SBF2: variants seen among roughly 807,000 people sequenced by gnomAD.
SBF2 encodes myotubularin-related protein 13.
Under a neutral mutation model 225.2 loss-of-function variants are expected in SBF2, and 112 were observed. The ratio of observed to expected loss-of-function variants is 0.50; its 90% CI spans 0.43 to 0.58. The LOEUF (loss-of-function observed/expected upper bound fraction) is 0.58, where lower values mean the gene tolerates loss of function less well. Ranked by LOEUF, SBF2 falls within the 20% of genes least tolerant of loss-of-function variation. The pLI, the probability that SBF2 is intolerant of heterozygous loss-of-function variation, is 0.00. For missense variants in SBF2, 1,996 were observed against 2,206.2 expected, an observed-to-expected ratio of 0.90 and a Z score of 1.91; for synonymous variants, 763 against 773.3, an observed-to-expected ratio of 0.99 and a Z score of 0.22.
In SBF2 at chr11:9,992,330, T is replaced by C. The variant is rs1947475957; in HGVS notation, c.1296+85A>G. 16 of 1,079,160 alleles carry C rather than the reference T, an allele frequency of 1.5e-5. No individual in the cohort carries two copies. In the Middle Eastern group the frequency reaches 1.1e-3, roughly 74 times the overall value. The allele number at this position is 1,079,160 out of a possible 1,614,324, so 66.8% of individuals were successfully genotyped here. A position where few individuals can be genotyped will look rare whatever the true frequency, so the allele number is the denominator to read the frequency against. The stretch of plus-strand genomic sequence containing the variant: ...AATACCTAATTTATATTTGACTATA[T>C]AAATATGGAAAATGTTACTTTTTAC... On this transcript the variant is annotated intron_variant, in intron 12 of 39. Coordinates refer to ENST00000256190, the MANE Select transcript of SBF2 (RefSeq NM_030962.4).
chr11:9,943,863 G>C (rs1865421675), intron 16 of SBF2, among the ~76,000 whole-genome samples: 1 of 152,162 alleles, frequency 6.6e-6, no homozygotes, highest in South Asian at 2.1e-4. Flanking sequence ...TCTTGACTCT[G>C]ATTTCATTCC....
rs959873976 is a variant in SBF2, at chr11:10,274,063, G to A, written c.55+19952C>T. Among the ~76,000 whole-genome samples the A allele has an allele frequency of 7.2e-5, 11 of 152,216 alleles. 1 individual carries two copies. Among genetic ancestry groups the A allele is most frequent in the Admixed American group, 4.6e-4 (7 of 15,280 alleles). ...CTTTTTATTTTTAACCTTTAGAAAA[G>A]TTTTATTTCACTGCTGCAGCTTTGC... On this transcript the variant is annotated intron_variant, in intron 1 of 39. Transcript: ENST00000256190.
chr11:9,787,875 T>C, intron 35 of SBF2, 137 bp from the exon 36 acceptor site: 1 of 726,376 alleles, frequency 1.4e-6, no homozygotes. Context: ...GACATGGGCC[T>C]GTGAGGTCTC....
rs1412388000 is a variant in SBF2, at chr11:9,900,910, A to AT, written c.1861-4900dup. ...CATCACCGCACCCAGCTAATTTTTA[A>AT]TTTTTTTTTTGTAGAGGCAGGGTTT... On this transcript the variant is annotated intron_variant, in intron 16 of 39. Coordinates refer to ENST00000256190, the MANE Select transcript of SBF2 (RefSeq NM_030962.4). 7.9e-4 allele frequency among the ~76,000 whole-genome samples: 118 copies of AT among 149,320 alleles called. No homozygotes were observed. In the Middle Eastern group the frequency reaches 0.014, roughly 17 times the overall value.
chr11:10,176,581 G>A (rs1400145080), intron 2 of SBF2, among the ~76,000 whole-genome samples: 1 of 152,048 alleles, frequency 6.6e-6, no homozygotes, highest in Non-Finnish European at 1.5e-5. Flanking sequence ...AAATAAACTA[G>A]AAAATCTAGA....
intron 2 of SBF2, among the ~76,000 whole-genome samples, chr11:10,088,253 G>A (rs1020568532): frequency 2.0e-5 from 3 of 151,984 alleles, no homozygotes; most frequent in African/African-American, 7.2e-5. Flanking sequence ...TCAAACTCCT[G>A]GACTCAAGCA....
chr11:9,956,408 T>C (rs1450991687), intron 16 of SBF2, among the ~76,000 whole-genome samples: 2 of 152,336 alleles, frequency 1.3e-5, no homozygotes, highest in East Asian at 3.9e-4. Flanking sequence ...AGAGTTTATA[T>C]ACTCTATTTG....
chr11:10,273,898 C>T (rs757711028), intron 1 of SBF2, among the ~76,000 whole-genome samples: 1 of 152,182 alleles, frequency 6.6e-6, no homozygotes, highest in Non-Finnish European at 1.5e-5. Context: ...TGCTGAAAGG[C>T]AAGATGACCT....
chr11:10,004,426 G>A (rs1948098975), intron 6 of SBF2, among the ~76,000 whole-genome samples: 1 of 151,414 alleles, frequency 6.6e-6, no homozygotes, highest in Non-Finnish European at 1.5e-5. Context: ...ATTGAGTGAG[G>A]GTAGTAAGGT....
intron 1 of SBF2, among the ~76,000 whole-genome samples, chr11:10,253,172 T>C (rs1380157742): frequency 1.4e-5 from 2 of 138,140 alleles, no homozygotes; most frequent in African/African-American, 2.7e-5. Context: ...AATTTGCCTC[T>C]AGAGAAAAGA....
At chr11:9,938,071 C>T (rs568355080) in intron 16 of SBF2, among the ~76,000 whole-genome samples, 33 of 152,100 alleles carry the variant, frequency 2.2e-4, no homozygotes, top group African/African-American at 8.0e-4. Flanking sequence ...GCGGGCGGAT[C>T]ACGCGGTCAG....
intron 3 of SBF2, among the ~76,000 whole-genome samples, chr11:10,032,264 T>A (rs777201481): frequency 2.6e-5 from 4 of 152,220 alleles, no homozygotes; most frequent in Non-Finnish European, 5.9e-5. Context: ...CCCCTCTTTT[T>A]AATAACCTAT....
chr11:10,042,744 T>A, intron 3 of SBF2, 100 bp downstream of exon 3: 1 of 1,271,814 alleles, frequency 7.9e-7, no homozygotes. Flanking sequence ...TGCTAGCCCA[T>A]AAAACTCAAA....
intron 38 of SBF2, among the ~76,000 whole-genome samples, chr11:9,781,846 G>T (rs1467205863): frequency 1.3e-5 from 2 of 152,180 alleles, no homozygotes; most frequent in African/African-American, 4.8e-5. Flanking sequence ...AAAGACTTAT[G>T]TACTGTTTGA....
intron 2 of SBF2, among the ~76,000 whole-genome samples, chr11:10,058,916 C>T (rs988165765): frequency 4.6e-5 from 7 of 152,106 alleles, no homozygotes; most frequent in Non-Finnish European, 7.4e-5. Flanking sequence ...ACTAAGCTTC[C>T]TATATGATGG....
Position 9,992,972 on chromosome 11 carries a change from T to C in SBF2, c.1167+18A>G, listed in dbSNP as rs765109915. 4 of 1,518,744 alleles carry C rather than the reference T, an allele frequency of 2.6e-6. No homozygotes were observed. The highest frequency in any genetic ancestry group is 2.3e-5 in the East Asian group (1 of 44,340). The allele number at this position is 1,518,744 out of a possible 1,614,324, so 94.1% of individuals were successfully genotyped here. ...GAATATATTTTTTGGACAGATACAATATAGTACTCTATCTTACCTTGTGGA... is the reference window on the plus strand; with the variant it reads ...GAATATATTTTTTGGACAGATACAACATAGTACTCTATCTTACCTTGTGGA... On this transcript the variant is annotated intron_variant, in intron 11 of 39. Coordinates refer to ENST00000256190, the MANE Select transcript of SBF2 (RefSeq NM_030962.4).
At chr11:10,224,144 C>T (rs4258371) in intron 1 of SBF2, among the ~76,000 whole-genome samples, 60,066 of 151,766 alleles carry the variant, frequency 0.4, 12,926 homozygotes, top group Non-Finnish European at 0.48. Flanking sequence ...TCTTAATTTT[C>T]CCAATATTTC....
At chr11:9,853,193 T>C (rs923527690) in intron 20 of SBF2, among the ~76,000 whole-genome samples, 1 of 152,204 alleles carries the variant, frequency 6.6e-6, no homozygotes, top group African/African-American at 2.4e-5. Flanking sequence ...GTGAAATATC[T>C]AGAACAGGCA....
chr11:9,900,044 T>TAAAAAAAAA (rs1347991488), intron 16 of SBF2, among the ~76,000 whole-genome samples: 4 of 140,454 alleles, frequency 2.8e-5, no homozygotes, highest in Non-Finnish European at 4.6e-5. Flanking sequence ...TTTTTTTTTT[T>TAAAAAAAAA]AAAAAAAAAA....
Sources: allele counts gnomAD v4.1 joint callset (sites outside exome capture counted in the v4.1 genomes callset), GRCh38; gene constraint gnomAD v4.1.1; transcripts MANE v1.5; gene names NCBI Gene and HGNC (gene_info 2026-07-23, HGNC 2026-07-21).